The following CACNA2D3 variants were observed in gnomAD, a reference collection of about 807,000 sequenced individuals.
CACNA2D3 encodes voltage-dependent calcium channel subunit alpha-2/delta-3.
In CACNA2D3, 60 loss-of-function variants were observed where a neutral mutation model predicts 160.6. That is an observed-to-expected ratio of 0.37 (90% CI 0.30 to 0.46). CACNA2D3 has a LOEUF of 0.46. Ranked by LOEUF, CACNA2D3 falls within the 20% of genes least tolerant of loss-of-function variation. The pLI, the probability that CACNA2D3 is intolerant of heterozygous loss-of-function variation, is 1.00. For missense variants in CACNA2D3, 1,205 were observed against 1,365.0 expected, an observed-to-expected ratio of 0.88 and a Z score of 1.85; for synonymous variants, 558 against 492.9, an observed-to-expected ratio of 1.13 and a Z score of -1.75.
At chr3:54,213,089 A>G (rs1345288861) in intron 2 of CACNA2D3, among the ~76,000 whole-genome samples, 2 of 152,190 alleles carry the variant, frequency 1.3e-5, no homozygotes, top group Non-Finnish European at 2.9e-5. Context: ...ATTGTGACCA[A>G]TAAACCAGAT....
chr3:54,406,981 A>G (rs1017748168), intron 4 of CACNA2D3, among the ~76,000 whole-genome samples: 11 of 152,228 alleles, frequency 7.2e-5, no homozygotes, highest in Admixed American at 7.2e-4. Flanking sequence ...ACAGCAGAGC[A>G]GAGCTATCAC....
intron 27 of CACNA2D3, among the ~76,000 whole-genome samples, chr3:54,940,466 T>C (rs1701437682): frequency 6.6e-6 from 1 of 152,152 alleles, no homozygotes; most frequent in Non-Finnish European, 1.5e-5. Flanking sequence ...CCACCAACAT[T>C]TCAGACACAG....
Position 54,320,578 on chromosome 3 carries a change from GC to G in CACNA2D3, c.321+23del. The G allele has an allele frequency of 7.3e-7, 1 of 1,369,364 alleles. No homozygotes were observed. The highest frequency in any genetic ancestry group is 1.0e-6 in the Non-Finnish European group (1 of 997,266). 84.8% of individuals were successfully genotyped at this position (1,369,364 alleles called of 1,614,324 possible). A position where few individuals can be genotyped will look rare whatever the true frequency, so the allele number is the denominator to read the frequency against. On this transcript the variant is annotated intron_variant, in intron 3 of 37. Coordinates refer to ENST00000474759, the MANE Select transcript of CACNA2D3 (RefSeq NM_018398.3). ...GTCAGGGTAAGTGCCTATGTTTTGT[GC>G]CCTGTATCGCCTGAAGGCACAAAGG...
At chr3:54,473,087 C>G (rs936342943) in intron 4 of CACNA2D3, among the ~76,000 whole-genome samples, 1 of 152,072 alleles carries the variant, frequency 6.6e-6, no homozygotes, top group Admixed American at 6.6e-5. Flanking sequence ...CAATCCTAAG[C>G]AAAAAGAATA....
At chr3:54,815,537 T>C (rs1302955295) in intron 13 of CACNA2D3, among the ~76,000 whole-genome samples, 1 of 152,172 alleles carries the variant, frequency 6.6e-6, no homozygotes, top group Non-Finnish European at 1.5e-5. Flanking sequence ...TTGCTTTGCA[T>C]TTTCTAGCAC....
chr3:55,036,534 C>T (rs922510243), intron 35 of CACNA2D3, among the ~76,000 whole-genome samples: 18 of 151,954 alleles, frequency 1.2e-4, no homozygotes, highest in African/African-American at 4.3e-4. Context: ...GTGGCGCGAT[C>T]TTGGCTCACT....
chr3:54,879,362 G>A lies in CACNA2D3; in HGVS notation c.1795G>A (p.Val599Met). The change falls in exon 20 of 38, where the codon GTG becomes ATG. Residue 599 changes from valine to methionine, a missense_variant. Around this residue, in one of 3 missense-constraint regions of CACNA2D3, gnomAD observed 911 missense variants for 1,002.2 expected, o/e 0.91. Transcript: ENST00000474759. ...TTTTTCAATCTAGAAACGGGTTTTG[G>A]TGATGACAAATGACTACTATTATAC... ...KTVDKGKRVL[V>M]MTNDYYYTDI... The A allele has an allele frequency of 5.6e-6, 9 of 1,603,122 alleles. No individual in the cohort carries two copies. Among genetic ancestry groups the A allele is most frequent in the Middle Eastern group, 1.7e-4 (1 of 6,024 alleles).
intron 2 of CACNA2D3, among the ~76,000 whole-genome samples, chr3:54,146,958 C>T (rs1700042301): frequency 6.6e-6 from 1 of 152,246 alleles, no homozygotes. Flanking sequence ...TGAAGGCCTT[C>T]TCTTACCTGC....
chr3:54,995,052 C>T (rs994481701), intron 31 of CACNA2D3, among the ~76,000 whole-genome samples: 1 of 152,140 alleles, frequency 6.6e-6, no homozygotes, highest in Non-Finnish European at 1.5e-5. Context: ...TGGCTTACTG[C>T]AACCTCTGCC....
chr3:54,830,523 G>T (rs1236776461), intron 14 of CACNA2D3, among the ~76,000 whole-genome samples: 4 of 148,088 alleles, frequency 2.7e-5, no homozygotes, highest in Non-Finnish European at 5.9e-5. Flanking sequence ...ATATCGGTTT[G>T]CTGCAACCGT....
At chr3:54,477,351 A>G (rs1339176075) in intron 4 of CACNA2D3, among the ~76,000 whole-genome samples, 3 of 151,994 alleles carry the variant, frequency 2.0e-5, no homozygotes, top group Non-Finnish European at 4.4e-5. Context: ...GAAGCCATGC[A>G]TTGCGAATCT....
At chr3:54,872,603 C>T (rs1010971021) in intron 18 of CACNA2D3, among the ~76,000 whole-genome samples, 3 of 152,162 alleles carry the variant, frequency 2.0e-5, no homozygotes, top group East Asian at 3.9e-4. Context: ...ACAGTGCTTC[C>T]GCTGCAGCTT....
At chr3:55,052,772 A>T (rs1359008774) in intron 35 of CACNA2D3, among the ~76,000 whole-genome samples, 1 of 152,056 alleles carries the variant, frequency 6.6e-6, no homozygotes, top group African/African-American at 2.4e-5. Flanking sequence ...CTTGTTCTGA[A>T]GTACGCTTTG....
At chr3:54,321,854 A>G (rs1400393399) in intron 3 of CACNA2D3, among the ~76,000 whole-genome samples, 2 of 150,802 alleles carry the variant, frequency 1.3e-5, no homozygotes, top group Non-Finnish European at 2.9e-5. Context: ...CTGTCCAGAT[A>G]AGGTTGTGCC....
intron 4 of CACNA2D3, among the ~76,000 whole-genome samples, chr3:54,459,380 T>TGTA (rs1700457262): frequency 7.0e-6 from 1 of 143,492 alleles, no homozygotes; most frequent in Non-Finnish European, 1.5e-5. Flanking sequence ...TAGTTTACAG[T>TGTA]CCCACCAACA....
intron 35 of CACNA2D3, among the ~76,000 whole-genome samples, chr3:55,043,231 T>G (rs2107193727): frequency 6.6e-6 from 1 of 152,256 alleles, no homozygotes; most frequent in East Asian, 1.9e-4. Flanking sequence ...TTGTCAGCAC[T>G]GTAGGGGAGT....
intron 21 of CACNA2D3, among the ~76,000 whole-genome samples, chr3:54,881,289 T>C (rs1271559278): frequency 6.6e-6 from 1 of 152,168 alleles, no homozygotes; most frequent in Non-Finnish European, 1.5e-5. Context: ...AACAGAGATA[T>C]GAGAGCCTTA....
chr3:54,712,585 T>G (rs1015187666), intron 11 of CACNA2D3, among the ~76,000 whole-genome samples: 1 of 152,254 alleles, frequency 6.6e-6, no homozygotes, highest in African/African-American at 2.4e-5. Flanking sequence ...CCACCATGAT[T>G]GTGAGGCCTC....
At chr3:54,608,345 C>T (rs1371637699) in intron 9 of CACNA2D3, among the ~76,000 whole-genome samples, 1 of 152,182 alleles carries the variant, frequency 6.6e-6, no homozygotes, top group Non-Finnish European at 1.5e-5. Flanking sequence ...TTTTAAAAGG[C>T]TTTAAACATT....
Sources: gnomAD v4.1 joint callset for allele counts (sites outside exome capture counted in the v4.1 genomes callset) on GRCh38, gnomAD v4.1.1 for gene constraint, gnomAD v4.1.1 regional missense constraint, MANE v1.5 for transcripts, NCBI Gene and HGNC (gene_info 2026-07-23, HGNC 2026-07-21) for gene names.